Variants in PRSS38 observed in about 807,000 individuals in gnomAD.
PRSS38 encodes the protein serine protease 38.
PRSS38 carries 22 observed loss-of-function variants against 26.8 expected under a neutral mutation model. That is an observed-to-expected ratio of 0.82 (90% CI 0.59 to 1.17). PRSS38 has a LOEUF of 1.17. Among genes scored for constraint, PRSS38 ranks in the 50% most tolerant of loss-of-function variants. The pLI is 0.00. For synonymous variants in PRSS38, 175 were observed against 172.1 expected, an observed-to-expected ratio of 1.02 and a Z score of -0.13; for missense variants, 427 against 422.7, an observed-to-expected ratio of 1.01 and a Z score of -0.09.
At chr1:227,841,133 G>A (rs993725160) in intron 3 of PRSS38, among the ~76,000 whole-genome samples, 4 of 152,332 alleles carry the variant, frequency 2.6e-5, no homozygotes, top group South Asian at 2.1e-4. Context: ...GTTGTGGGTC[G>A]GTGATGTAAC....
At chr1:227,831,779 G>A (rs901504886) in intron 3 of PRSS38, among the ~76,000 whole-genome samples, 1 of 152,106 alleles carries the variant, frequency 6.6e-6, no homozygotes, top group African/African-American at 2.4e-5. Context: ...TTGAAGCTGG[G>A]TGGCAGAGGT....
chr1:227,834,407 G>T (rs996446368), intron 3 of PRSS38, among the ~76,000 whole-genome samples: 1 of 152,126 alleles, frequency 6.6e-6, no homozygotes, highest in Non-Finnish European at 1.5e-5. Flanking sequence ...AGTGGCTCGT[G>T]TGTATAATCC....
chr1:227,842,478 T>C (rs1241609328), intron 3 of PRSS38, among the ~76,000 whole-genome samples: 1 of 152,186 alleles, frequency 6.6e-6, no homozygotes. Context: ...CTTATAATAA[T>C]ATGGACACCA....
At chr1:227,833,804 C>T (rs762493480) in intron 3 of PRSS38, among the ~76,000 whole-genome samples, 11 of 152,026 alleles carry the variant, frequency 7.2e-5, no homozygotes, top group South Asian at 4.1e-4. Context: ...AAATTTACCA[C>T]GGAAATTATT....
At chr1:227,845,365 G>A (rs1191785777) in intron 3 of PRSS38, 105 bp from the exon 4 acceptor site, 1 of 741,120 alleles carries the variant, frequency 1.3e-6, no homozygotes, top group Non-Finnish European at 2.2e-6. Flanking sequence ...CGTATAGTGG[G>A]GCTCCTCTCC....
At chr1:227,817,624 T>C in intron 3 of PRSS38, 144 bp downstream of exon 3, 1 of 848,968 alleles carries the variant, frequency 1.2e-6, no homozygotes, top group Non-Finnish European at 1.8e-6. Flanking sequence ...TGTTTGTCAG[T>C]GTGGATATTT....
chr1:227,816,202 CT>C lies in PRSS38; in HGVS notation c.262del (p.Ser88ProfsTer28). 2.5e-6 allele frequency: 4 copies of C among 1,613,674 alleles called. No homozygotes were observed. Among genetic ancestry groups the C allele is most frequent in the Non-Finnish European group, 3.4e-6 (4 of 1,179,840 alleles). ...ACGCAGGCCTCCACGTCTGCGGCGG[CT>C]CCATCCTCAATGAGTACTGGGTGCT... On this transcript the variant is annotated frameshift_variant, in exon 2 of 5. Coordinates refer to ENST00000366757, the Ensembl canonical transcript of PRSS38. LOFTEE classifies it high-confidence loss of function. This position sits in a 1 kb window ranked among gnomAD's most constrained non-coding sequence, Gnocchi z 5.1.
chr1:227,825,437 G>T (rs955070340), intron 3 of PRSS38, among the ~76,000 whole-genome samples: 2 of 152,140 alleles, frequency 1.3e-5, no homozygotes, highest in Non-Finnish European at 1.5e-5. Context: ...TGATCTGCCC[G>T]CCTCAGCCTC....
exon 5 of PRSS38, chr1:227,846,264 T>C: frequency 6.3e-7 from 1 of 1,586,914 alleles, no homozygotes. Flanking sequence ...CCAGCCCAGC[T>C]GCCTCCAGAC....
intron 3 of PRSS38, among the ~76,000 whole-genome samples, chr1:227,818,690 A>C (rs969794391): frequency 1.3e-5 from 2 of 151,830 alleles, no homozygotes; most frequent in South Asian, 2.1e-4. Flanking sequence ...AAAAAAAAAA[A>C]AAAAAAAAAC....
At chr1:227,834,390 C>T (rs1665206793) in intron 3 of PRSS38, among the ~76,000 whole-genome samples, 1 of 152,062 alleles carries the variant, frequency 6.6e-6, no homozygotes, top group Non-Finnish European at 1.5e-5. Flanking sequence ...ATAAATTGGC[C>T]AGGTGTAGTG....
chr1:227,818,675 C>CAAAAAAAA, intron 3 of PRSS38, among the ~76,000 whole-genome samples: 2 of 61,060 alleles, frequency 3.3e-5, no homozygotes, highest in Non-Finnish European at 5.8e-5. Context: ...GACCTTCTCT[C>CAAAAAAAA]AAAAAAAAAA....
intron 3 of PRSS38, among the ~76,000 whole-genome samples, chr1:227,843,429 G>A (rs1029299452): frequency 6.6e-5 from 10 of 152,246 alleles, no homozygotes; most frequent in African/African-American, 9.6e-5. Flanking sequence ...CCAGCCGGGC[G>A]TGGTGGCTCA....
intron 3 of PRSS38, 27 bp from the exon 4 acceptor site, chr1:227,845,443 C>T: frequency 1.3e-6 from 2 of 1,588,912 alleles, no homozygotes; most frequent in African/African-American, 1.3e-5. Context: ...CAGGTGCTGC[C>T]CCCTCACGGG....
intron 3 of PRSS38, among the ~76,000 whole-genome samples, chr1:227,834,757 C>T (rs138602917): frequency 1.2e-3 from 183 of 150,098 alleles, no homozygotes; most frequent in African/African-American, 4.3e-3. Context: ...CTGAGCTCAG[C>T]GGGTCGAGGC....
chr1:227,838,333 C>T (rs531859579), intron 3 of PRSS38, among the ~76,000 whole-genome samples: 1 of 152,296 alleles, frequency 6.6e-6, no homozygotes, highest in South Asian at 2.1e-4. Flanking sequence ...CTGGTGGTGG[C>T]GTCATGCCTG....
chr1:227,818,695 A>C (rs1205231261), intron 3 of PRSS38, among the ~76,000 whole-genome samples: 3 of 151,880 alleles, frequency 2.0e-5, no homozygotes, highest in Non-Finnish European at 4.4e-5. Flanking sequence ...AAAAAAAAAA[A>C]AAAACGTATT....
At chr1:227,830,846 T>C (rs1665144564) in intron 3 of PRSS38, among the ~76,000 whole-genome samples, 1 of 152,102 alleles carries the variant, frequency 6.6e-6, no homozygotes, top group Non-Finnish European at 1.5e-5. Context: ...TTCATAATAG[T>C]CTCATCATTT....
chr1:227,832,290 A>G (rs984601153), intron 3 of PRSS38, among the ~76,000 whole-genome samples: 7 of 152,010 alleles, frequency 4.6e-5, no homozygotes, highest in Non-Finnish European at 8.8e-5. Flanking sequence ...GTCCATCTTC[A>G]CGTTTAATGT....
Sources: allele counts gnomAD v4.1 joint callset (sites outside exome capture counted in the v4.1 genomes callset), GRCh38; gene constraint gnomAD v4.1.1; non-coding constraint Gnocchi (gnomAD v3.1); transcripts MANE v1.5; gene names NCBI Gene and HGNC (gene_info 2026-07-23, HGNC 2026-07-21).